Variants in DOT1L observed in about 807,000 individuals in gnomAD.
The protein encoded by DOT1L is DOT1 like histone lysine methyltransferase.
A neutral mutation model predicts 153.3 loss-of-function variants in DOT1L; 33 were observed. The observed-to-expected ratio is 0.22, with a 90% CI of 0.16 to 0.29. The LOEUF (loss-of-function observed/expected upper bound fraction) is 0.29. Ranked by LOEUF, DOT1L falls within the 10% of genes least tolerant of loss-of-function variation. The probability of loss-of-function intolerance (pLI) is 1.00; values close to 1 mark genes in which losing one functional copy is unlikely to be tolerated. For synonymous variants in DOT1L, 1,135 were observed against 965.1 expected (o/e 1.18, Z -3.26); for missense variants, 1,847 against 2,119.9 (o/e 0.87, Z 2.53).
At position 2,226,773 on chromosome 19, in the gene DOT1L, G is replaced by C. The variant is rs2302061; in HGVS notation, c.4252G>C (p.Val1418Leu). ...GKAAKARDREVDLKNGHNLFI... is the reference protein window; with the variant it reads ...GKAAKARDRELDLKNGHNLFI... ...GGCCGCCAAGGCCCGGGACCGCGAG[G>C]TCGACCTCAAGAATGGCCACAACCT... The change falls in exon 27 of 28, where the codon GTC becomes CTC. Residue 1418 changes from valine to leucine, a missense_variant. Transcript: ENST00000398665. 229,856 of 1,570,322 alleles carry C rather than the reference G, an allele frequency of 0.15. 20,225 individuals carry two copies. Among genetic ancestry groups the C allele is most frequent in the African/African-American group, 0.4 (29,242 of 72,934 alleles).
chr19:2,212,934 G>T (rs1376131109), intron 16 of DOT1L: 1 of 152,348 alleles, frequency 6.6e-6, no homozygotes, highest in Admixed American at 6.5e-5. Flanking sequence ...AAAGCCATTG[G>T]AGCCACAAGG....
In DOT1L at chr19:2,185,725, C is replaced by T. The variant is rs931583023; in HGVS notation, c.126-130C>T. On this transcript the variant is annotated intron_variant, in intron 2 of 27. Transcript: ENST00000398665. ...CGGAGCTTGCAGTGAGCCAAGATCA[C>T]GACACTGCACTCCAGCCTGGGCAAC... is the stretch of plus-strand genomic sequence containing the variant. 3.9e-5 allele frequency: 36 copies of T among 929,276 alleles called. No homozygotes were observed. In the Admixed American group the frequency reaches 4.8e-4, roughly 12 times the overall value. The allele number at this position is 929,276 out of a possible 1,614,324, so 57.6% of individuals were successfully genotyped here. A position where few individuals can be genotyped will look rare whatever the true frequency, so the allele number is the denominator to read the frequency against.
chr19:2,226,682 G>A lies in DOT1L; in HGVS notation c.4161G>A (p.Lys1387=). The A allele has an allele frequency of 1.9e-6, 3 of 1,573,536 alleles. No homozygotes were observed. The highest frequency in any genetic ancestry group is 2.6e-6 in the Non-Finnish European group (3 of 1,164,248). ...TGAAGGGCGAGGGCAGCCGCGGCAA[G>A]GAGGCAGGGGAGGGCGGCCTACCGC... The part of the protein sequence containing the change: ...AGLKGEGSRG[K]EAGEGGLPLC... Residue 1387 remains lysine (K), a synonymous_variant, in exon 27 of 28, where the codon AAG becomes AAA. Transcript: ENST00000398665.
intron 1 of DOT1L, among the ~76,000 whole-genome samples, chr19:2,179,785 C>G (rs556664429): frequency 6.6e-6 from 1 of 151,996 alleles, no homozygotes; most frequent in African/African-American, 2.4e-5. Context: ...CCAGCCTGGG[C>G]GACAAACAAA....
Position 2,216,469 on chromosome 19 carries a change from G to A in DOT1L, c.2112G>A (p.Leu704=). 1 of 1,612,684 alleles carries A rather than the reference G, an allele frequency of 6.2e-7. No homozygotes were observed. The highest frequency in any genetic ancestry group is 1.1e-5 in the South Asian group (1 of 91,074). ...LDCTKFSLPH[L]SSMSPELSMN... is the part of the protein sequence containing the mutation. The stretch of plus-strand genomic sequence containing the variant: ...GCACCAAGTTCTCGCTGCCTCACTT[G>A]AGCAGCATGAGCCCGGAGCTCTCCA... The change falls in exon 20 of 28, where the codon TTG becomes TTA. Residue 704 remains leucine (L), a synonymous_variant. Transcript: ENST00000398665.
rs1289086373 is a variant in DOT1L, at chr19:2,191,075, A to G, written c.328A>G (p.Ile110Val). The change falls in exon 5 of 28, where the codon ATC becomes GTC. Residue 110 changes from isoleucine to valine, a missense_variant. Transcript: ENST00000398665. This position sits in a 1 kb window ranked among gnomAD's most constrained non-coding sequence, Gnocchi z 6.8. ...TRPSTGLLRHILQQVYNHSVT... is the reference protein window; with the variant it reads ...TRPSTGLLRHVLQQVYNHSVT... ...GCCGTCCACTGGACTCCTGCGCCAT[A>G]TCCTGCAGCAGGTCTACAACCACTC... is the stretch of plus-strand genomic sequence containing the variant. The G allele has an allele frequency of 1.2e-6, 2 of 1,612,578 alleles. No individual in the cohort carries two copies. Among genetic ancestry groups the G allele is most frequent in the Non-Finnish European group, 8.5e-7 (1 of 1,179,798 alleles).
At position 2,207,782 on chromosome 19, in the gene DOT1L, C is replaced by T; in HGVS notation, c.963+102C>T. ...TCTCATGTGGCCTCTGAGACCCTCC[C>T]CTCAGAGCCCTCAACGCCCCCCGGC... On this transcript the variant is annotated intron_variant, in intron 11 of 27. Transcript: ENST00000398665. This position sits in a 1 kb window ranked among gnomAD's most constrained non-coding sequence, Gnocchi z 4.5. The T allele has an allele frequency of 5.6e-6, 6 of 1,068,156 alleles. No homozygotes were observed. The highest frequency in any genetic ancestry group is 6.7e-6 in the Non-Finnish European group (5 of 750,066). 66.2% of individuals were successfully genotyped at this position (1,068,156 alleles called of 1,614,324 possible). A position where few individuals can be genotyped will look rare whatever the true frequency, so the allele number is the denominator to read the frequency against.
chr19:2,203,006 C>T (rs2023352820), intron 9 of DOT1L, among the ~76,000 whole-genome samples: 1 of 152,244 alleles, frequency 6.6e-6, no homozygotes, highest in Non-Finnish European at 1.5e-5. Context: ...ACTGCAACCT[C>T]CGCCTCCCGG....
At position 2,213,864 on chromosome 19, in the gene DOT1L, C is replaced by A; in HGVS notation, c.1675C>A (p.Leu559Met). ...QKLDELGVKA[L>M]TYNDLIQAQK... ...ATGTCCCCAGCTGGGTGTGAAGGCG[C>A]TGACCTACAACGACCTGATTCAAGC... The change falls in exon 18 of 28, where the codon CTG (leucine) becomes ATG (methionine). Residue 559 changes from leucine (L) to methionine (M), a missense_variant. Physicochemically the swap from Leu to Met is conservative, Grantham distance 15. Transcript: ENST00000398665. The A allele has an allele frequency of 6.2e-7, 1 of 1,613,162 alleles. No individual in the cohort carries two copies. The highest frequency in any genetic ancestry group is 8.5e-7 in the Non-Finnish European group (1 of 1,180,028).
At position 2,211,988 on chromosome 19, in the gene DOT1L, C is replaced by G. The variant is rs1466176160; in HGVS notation, c.1557+146C>G. 9 of 707,866 alleles carry G rather than the reference C, an allele frequency of 1.3e-5. No homozygotes were observed. In the East Asian group the frequency reaches 2.6e-4, roughly 20 times the overall value. The allele number at this position is 707,866 out of a possible 1,614,324, so 43.8% of individuals were successfully genotyped here. A position where few individuals can be genotyped will look rare whatever the true frequency, so the allele number is the denominator to read the frequency against. ...TGCTCACCTGCTGCGAGAAACAAAC[C>G]TACCCGTTTAAACCCAAAGAATGGA... On this transcript the variant is annotated intron_variant, in intron 16 of 27. Transcript: ENST00000398665.
At position 2,229,770 on chromosome 19, in the gene DOT1L, T is replaced by C. The variant is rs547308405; in HGVS notation, c.4607-15T>C. 6.2e-6 allele frequency: 10 copies of C among 1,613,254 alleles called. No individual in the cohort carries two copies. The African/African-American group carries it at 8.0e-5, about 13-fold the overall frequency. ...GGTAACCTCAGGCCGCTCTTCCCGC[T>C]GTGCCCTTCTGCAGGTAACTAGGAT... On this transcript the variant is annotated splice_polypyrimidine_tract_variant and intron_variant, in intron 27 of 27. Coordinates refer to ENST00000398665, the MANE Select transcript of DOT1L (RefSeq NM_032482.3).
chr19:2,211,068 C>T (rs761059741), intron 14 of DOT1L, 31 bp from the exon 15 acceptor site: 1 of 1,602,116 alleles, frequency 6.2e-7, no homozygotes, highest in Non-Finnish European at 8.5e-7. Flanking sequence ...CCGACCCGCC[C>T]TGTGCTGACG....
intron 6 of DOT1L, among the ~76,000 whole-genome samples, chr19:2,194,122 G>A (rs1426660107): frequency 2.6e-5 from 4 of 152,132 alleles, no homozygotes; most frequent in Non-Finnish European, 5.9e-5. Context: ...GCCTGCCCAG[G>A]CAGGCGCATT....
At position 2,228,311 on chromosome 19, in the gene DOT1L, C is replaced by T. The variant is rs969654839; in HGVS notation, c.4606+1184C>T. On this transcript the variant is annotated intron_variant, in intron 27 of 27. Transcript: ENST00000398665. ...GGGTGTCCCTCGGCATGCCGCCTCC[C>T]TATGCCGCGCACCTTTCGGGGGTTA... 3.0e-6 allele frequency: 4 copies of T among 1,346,544 alleles called. No homozygotes were observed. In the Admixed American group the frequency reaches 8.1e-5, roughly 27 times the overall value. 83.4% of individuals were successfully genotyped at this position (1,346,544 alleles called of 1,614,324 possible).
At chr19:2,198,108 C>T (rs1306898503) in intron 7 of DOT1L, among the ~76,000 whole-genome samples, 1 of 152,232 alleles carries the variant, frequency 6.6e-6, no homozygotes, top group Admixed American at 6.5e-5. Context: ...ACAGCTTCGG[C>T]CCCAGAGCCC....
intron 14 of DOT1L, 84 bp from the exon 15 acceptor site, chr19:2,211,015 G>C: frequency 6.8e-7 from 1 of 1,480,600 alleles, no homozygotes; most frequent in South Asian, 1.2e-5. Flanking sequence ...CTAAGGGGTT[G>C]CTGGGCACCT....
chr19:2,214,909 GAATTTGCTC>G (rs1236043684), intron 19 of DOT1L, among the ~76,000 whole-genome samples: 1 of 152,184 alleles, frequency 6.6e-6, no homozygotes, highest in South Asian at 2.1e-4. Flanking sequence ...TCATAGGGGA[GAATTTGCTC>G]ATTAGAAAAA....
Position 2,220,088 on chromosome 19 carries a change from A to T in DOT1L, c.2692-20A>T, listed in dbSNP as rs201441437. The T allele has an allele frequency of 3.9e-4, 617 of 1,585,342 alleles. No homozygotes were observed. The highest frequency in any genetic ancestry group is 5.2e-4 in the Non-Finnish European group (602 of 1,160,398). On this transcript the variant is annotated intron_variant, in intron 22 of 27. Transcript: ENST00000398665. This position sits in a 1 kb window ranked among gnomAD's most constrained non-coding sequence, Gnocchi z 4.5. ...CTGGGGCACCTGCTGCCCCTGACAC[A>T]CAGGGTTTTCTCTCTGCAGAGGAGC...
intron 16 of DOT1L, chr19:2,213,298 G>A (rs982198248): frequency 2.8e-5 from 13 of 463,624 alleles, no homozygotes; most frequent in South Asian, 2.8e-5. Context: ...GAGTCCAGGT[G>A]GGGTGGCAGG....
Sources: allele counts gnomAD v4.1 joint callset (sites outside exome capture counted in the v4.1 genomes callset), GRCh38; gene constraint gnomAD v4.1.1; non-coding constraint Gnocchi (gnomAD v3.1); transcripts MANE v1.5; gene names NCBI Gene and HGNC (gene_info 2026-07-23, HGNC 2026-07-21).